The following SLC8A3 variants were observed in gnomAD, a reference collection of about 807,000 sequenced individuals.
The protein encoded by SLC8A3 is sodium/calcium exchanger 3.
SLC8A3 carries 37 observed loss-of-function variants against 65.4 expected under a neutral mutation model. That is an observed-to-expected ratio of 0.57 (90% CI 0.44 to 0.74). SLC8A3 has a LOEUF of 0.74. Ranked by LOEUF, SLC8A3 falls within the 30% of genes least tolerant of loss-of-function variation. The pLI, the probability that SLC8A3 is intolerant of heterozygous loss-of-function variation, is 0.00. For missense variants in SLC8A3, 1,112 were observed against 1,172.1 expected, an observed-to-expected ratio of 0.95 and a Z score of 0.75; for synonymous variants, 461 against 444.5, an observed-to-expected ratio of 1.04 and a Z score of -0.47.
In SLC8A3 at chr14:70,171,133, C is replaced by T. The variant is rs1288323184; in HGVS notation, c.-62-2649G>A. 2.0e-5 allele frequency among the ~76,000 whole-genome samples: 3 copies of T among 152,300 alleles called. No homozygotes were observed. The Middle Eastern group carries it at 0.01, about 518-fold the overall frequency. ...TCCAATGAGCCCCATGCAGCGATGA[C>T]AGATGGTAGGCACAGCTGAGTAGCT... is the stretch of plus-strand genomic sequence containing the variant. On this transcript the variant is annotated intron_variant, in intron 1 of 6. Coordinates refer to ENST00000356921, the MANE Select transcript of SLC8A3 (RefSeq NM_182932.3).
At chr14:70,127,296 T>C (rs1894530791) in intron 2 of SLC8A3, among the ~76,000 whole-genome samples, 1 of 152,000 alleles carries the variant, frequency 6.6e-6, no homozygotes, top group Non-Finnish European at 1.5e-5. Context: ...GATGAAGTGG[T>C]TATTGTGGAG....
intron 2 of SLC8A3, among the ~76,000 whole-genome samples, chr14:70,156,834 C>A (rs1377406327): frequency 6.6e-6 from 1 of 152,176 alleles, no homozygotes; most frequent in Non-Finnish European, 1.5e-5. Flanking sequence ...TTCTGTCTTG[C>A]TTTACAGCAC....
intron 2 of SLC8A3, among the ~76,000 whole-genome samples, chr14:70,087,574 C>T (rs1891523011): frequency 1.3e-5 from 2 of 152,158 alleles, no homozygotes; most frequent in African/African-American, 4.8e-5. Flanking sequence ...ATGTCTTAAG[C>T]AGTTACTCTC....
intron 2 of SLC8A3, among the ~76,000 whole-genome samples, chr14:70,151,997 G>A (rs1471554481): frequency 6.6e-6 from 1 of 152,122 alleles, no homozygotes; most frequent in Non-Finnish European, 1.5e-5. Flanking sequence ...CCTGTGGTTT[G>A]GAGTAGACAT....
intron 2 of SLC8A3, among the ~76,000 whole-genome samples, chr14:70,130,331 A>G (rs915165491): frequency 1.3e-4 from 20 of 152,152 alleles, no homozygotes; most frequent in Non-Finnish European, 2.9e-4. Flanking sequence ...CGCCCCCTAT[A>G]AAGGTGTAAC....
intron 2 of SLC8A3, among the ~76,000 whole-genome samples, chr14:70,121,370 A>G (rs17175527): frequency 6.6e-6 from 1 of 151,390 alleles, no homozygotes; most frequent in Non-Finnish European, 1.5e-5. Flanking sequence ...TGCTTCAAAA[A>G]CCTCTGGATT....
chr14:70,116,305 G>A (rs2140164439), intron 2 of SLC8A3, among the ~76,000 whole-genome samples: 1 of 149,918 alleles, frequency 6.7e-6, no homozygotes, highest in East Asian at 2.0e-4. Flanking sequence ...TAACTAAATG[G>A]CGAGCATTGA....
intron 2 of SLC8A3, among the ~76,000 whole-genome samples, chr14:70,155,109 C>T (rs1214239261): frequency 2.6e-5 from 4 of 151,772 alleles, no homozygotes; most frequent in African/African-American, 7.3e-5. Context: ...ATAGTAGAGA[C>T]GGGGTTTCAC....
At chr14:70,165,546 T>C (rs1897117599) in intron 2 of SLC8A3, among the ~76,000 whole-genome samples, 1 of 152,238 alleles carries the variant, frequency 6.6e-6, no homozygotes, top group African/African-American at 2.4e-5. Context: ...TATTTGTGGA[T>C]ATGTTCAGTC....
At chr14:70,074,211 T>C (rs1368028475) in intron 2 of SLC8A3, among the ~76,000 whole-genome samples, 1 of 152,194 alleles carries the variant, frequency 6.6e-6, no homozygotes, top group African/African-American at 2.4e-5. Context: ...CTGTCCCCAT[T>C]TGGGGTGTGT....
At chr14:70,165,493 A>G (rs2140360806) in intron 2 of SLC8A3, among the ~76,000 whole-genome samples, 1 of 152,246 alleles carries the variant, frequency 6.6e-6, no homozygotes, top group Admixed American at 6.5e-5. Context: ...ACAACTTCCT[A>G]TATGCTCCTT....
At chr14:70,150,222 A>T (rs555727308) in intron 2 of SLC8A3, among the ~76,000 whole-genome samples, 2 of 152,216 alleles carry the variant, frequency 1.3e-5, no homozygotes, top group Non-Finnish European at 2.9e-5. Context: ...GCATAATTGT[A>T]TTCAATCCTC....
intron 1 of SLC8A3, among the ~76,000 whole-genome samples, chr14:70,181,665 A>T (rs532956467): frequency 6.6e-6 from 1 of 152,290 alleles, no homozygotes; most frequent in Non-Finnish European, 1.5e-5. Flanking sequence ...AAAAGCAGAA[A>T]GGGCAAGGAA....
intron 2 of SLC8A3, among the ~76,000 whole-genome samples, chr14:70,098,812 C>T (rs1418725782): frequency 2.6e-5 from 4 of 152,148 alleles, no homozygotes; most frequent in African/African-American, 4.8e-5. Flanking sequence ...TGAAAAGGTG[C>T]CGACTCTGGA....
At chr14:70,108,343 T>C (rs1893019980) in intron 2 of SLC8A3, among the ~76,000 whole-genome samples, 1 of 146,934 alleles carries the variant, frequency 6.8e-6, no homozygotes, top group Admixed American at 7.0e-5. Context: ...GAGGTTGCAG[T>C]GAGCTGAGAT....
intron 2 of SLC8A3, among the ~76,000 whole-genome samples, chr14:70,061,262 A>G (rs1191051308): frequency 6.6e-6 from 1 of 152,118 alleles, no homozygotes; most frequent in Non-Finnish European, 1.5e-5. Context: ...AGGAGGAGTC[A>G]TTTTAGACCT....
intron 2 of SLC8A3, among the ~76,000 whole-genome samples, chr14:70,112,604 C>T (rs1412075400): frequency 2.0e-5 from 3 of 152,160 alleles, no homozygotes; most frequent in Non-Finnish European, 4.4e-5. Flanking sequence ...TCATGGGCTT[C>T]CCAGACACCT....
chr14:70,139,299 G>C (rs1325707518), intron 2 of SLC8A3, among the ~76,000 whole-genome samples: 1 of 152,180 alleles, frequency 6.6e-6, no homozygotes, highest in East Asian at 1.9e-4. Flanking sequence ...GCCAAGTGAA[G>C]GGGTGCCAGC....
intron 2 of SLC8A3, among the ~76,000 whole-genome samples, chr14:70,143,154 A>G (rs1895687023): frequency 6.6e-6 from 1 of 152,206 alleles, no homozygotes; most frequent in Admixed American, 6.5e-5. Flanking sequence ...ACTTGGTGGT[A>G]TAAAATTCCT....
Sources: allele counts gnomAD v4.1 joint callset (sites outside exome capture counted in the v4.1 genomes callset), GRCh38; gene constraint gnomAD v4.1.1; transcripts MANE v1.5; gene names NCBI Gene and HGNC (gene_info 2026-07-23, HGNC 2026-07-21).